The following ZNF827 variants were observed in gnomAD, a reference collection of about 807,000 sequenced individuals.
ZNF827 encodes zinc finger protein 827.
ZNF827 carries 13 observed loss-of-function variants against 102.4 expected under a neutral mutation model. That is an observed-to-expected ratio of 0.13 (90% CI 0.08 to 0.20). The LOEUF is 0.20. Among genes scored for constraint, ZNF827 ranks in the 10% least tolerant of loss-of-function variants. The pLI is 1.00. For missense variants in ZNF827, 1,103 were observed against 1,344.4 expected, an observed-to-expected ratio of 0.82 and a Z score of 2.81; for synonymous variants, 523 against 536.2, an observed-to-expected ratio of 0.98 and a Z score of 0.34.
chr4:145,817,292 C>G (rs1443246240), intron 8 of ZNF827, among the ~76,000 whole-genome samples: 1 of 152,120 alleles, frequency 6.6e-6, no homozygotes, highest in African/African-American at 2.4e-5. Context: ...GACTGATTTT[C>G]TCCTGTGCTA....
At chr4:145,844,675 CTCAAATAAATAA>C (rs1745749835) in intron 7 of ZNF827, among the ~76,000 whole-genome samples, 1 of 122,788 alleles carries the variant, frequency 8.1e-6, no homozygotes, top group Admixed American at 9.5e-5. Flanking sequence ...GTGAGACTGT[CTCAAATAAATAA>C]ATAAATAAAT....
intron 5 of ZNF827, among the ~76,000 whole-genome samples, chr4:145,855,064 T>C (rs9993824): frequency 0.02 from 2,988 of 152,270 alleles, 96 homozygotes; most frequent in African/African-American, 0.067. Flanking sequence ...TGTAATGTTA[T>C]CCTCCCTTCC....
intron 1 of ZNF827, among the ~76,000 whole-genome samples, chr4:145,911,080 A>G (rs1038153875): frequency 2.0e-5 from 3 of 152,194 alleles, no homozygotes; most frequent in African/African-American, 4.8e-5. Context: ...AATAAGAACT[A>G]TTTTCAAAAT....
chr4:145,841,210 A>G (rs1241485915), intron 7 of ZNF827, among the ~76,000 whole-genome samples: 1 of 152,202 alleles, frequency 6.6e-6, no homozygotes, highest in East Asian at 1.9e-4. Flanking sequence ...GTGTTACACA[A>G]CATTGAGCAT....
intron 1 of ZNF827, among the ~76,000 whole-genome samples, chr4:145,905,764 C>G (rs1751810272): frequency 6.6e-6 from 1 of 152,108 alleles, no homozygotes; most frequent in Non-Finnish European, 1.5e-5. Context: ...TAGGAAGTAT[C>G]CTATAAATAG....
At chr4:145,884,735 A>T (rs546083062) in intron 4 of ZNF827, among the ~76,000 whole-genome samples, 2 of 152,374 alleles carry the variant, frequency 1.3e-5, no homozygotes, top group Admixed American at 1.3e-4. Context: ...AATGATAAAA[A>T]AAGAAACATC....
intron 1 of ZNF827, among the ~76,000 whole-genome samples, chr4:145,937,052 GC>G (rs1397814518): frequency 6.6e-6 from 1 of 152,126 alleles, no homozygotes; most frequent in African/African-American, 2.4e-5. Flanking sequence ...GAGCCGGGCG[GC>G]CCCGGGGGAT....
chr4:145,906,724 A>C (rs537265519), intron 1 of ZNF827, among the ~76,000 whole-genome samples: 5 of 152,372 alleles, frequency 3.3e-5, no homozygotes, highest in Admixed American at 2.0e-4. Flanking sequence ...TTGTCAAAAC[A>C]CAAACTCAAA....
At position 145,759,259 on chromosome 4, in the gene ZNF827, A is replaced by G. The variant is rs1014987470; in HGVS notation, c.*2357T>C. 3 of 152,232 alleles carry G rather than the reference A, an allele frequency of 2.0e-5. No individual in the cohort carries two copies. Among genetic ancestry groups the G allele is most frequent in the Non-Finnish European group, 4.4e-5 (3 of 68,038 alleles). The allele number at this position is 152,232 out of a possible 1,614,324, so 9.4% of individuals were successfully genotyped here. ...GTTGTTTTAAAAATACAAGCAATGA[A>G]CATATTCAGCCAAAGATTTTTTTCC... On this transcript the variant is annotated 3_prime_UTR_variant, in exon 15 of 15. Transcript: ENST00000508784.
chr4:145,902,510 C>G lies in ZNF827; in HGVS notation c.749G>C (p.Ser250Thr). 1 of 1,614,134 alleles carries G rather than the reference C, an allele frequency of 6.2e-7. No homozygotes were observed. Among genetic ancestry groups the G allele is most frequent in the Non-Finnish European group, 8.5e-7 (1 of 1,180,036 alleles). ...FSSPFSSQSA[S>T]STLAALSKKV... is the part of the protein sequence containing the mutation. ...CTTGGACAAAGCGGCCAAGGTAGAA[C>G]TGGCAGACTGGGAGCTAAAAGGGGA... The change falls in exon 2 of 15, where the codon AGT becomes ACT. Residue 250 changes from serine to threonine, a missense_variant. Physicochemically the swap from Ser to Thr is moderately conservative, Grantham distance 58 (BLOSUM62 1). Transcript: ENST00000508784. The surrounding 1 kb of genome is among the most constrained non-coding windows in gnomAD (Gnocchi z 4.3).
intron 7 of ZNF827, among the ~76,000 whole-genome samples, chr4:145,842,909 C>A (rs1376445774): frequency 6.6e-6 from 1 of 152,140 alleles, no homozygotes; most frequent in Non-Finnish European, 1.5e-5. Context: ...TCCATTAGTA[C>A]TTAAAAATCT....
chr4:145,910,256 C>G lies in ZNF827; in HGVS notation c.44-7041G>C, dbSNP rs1030263034. Among the ~76,000 whole-genome samples, 4 of 152,290 alleles carry G rather than the reference C, an allele frequency of 2.6e-5. No homozygotes were observed. The South Asian group carries it at 8.3e-4, about 32-fold the overall frequency. ...AAAGGTAACACAAATGAACGCATCA[C>G]TCCTCTGCAGAGTGAGTTCGAAAAA... On this transcript the variant is annotated intron_variant, in intron 1 of 14. Transcript: ENST00000508784.
intron 7 of ZNF827, among the ~76,000 whole-genome samples, chr4:145,834,180 T>C (rs1744572244): frequency 6.6e-6 from 1 of 152,140 alleles, no homozygotes; most frequent in Non-Finnish European, 1.5e-5. Context: ...TTTGAATTTT[T>C]CCATCCTGCA....
chr4:145,835,478 TTA>T (rs1419956202), intron 7 of ZNF827, among the ~76,000 whole-genome samples: 6 of 150,916 alleles, frequency 4.0e-5, no homozygotes, highest in Non-Finnish European at 7.4e-5. Flanking sequence ...TCCTTTTTAG[TTA>T]TCCCCACCTG....
chr4:145,850,393 T>C (rs924265269), intron 5 of ZNF827, among the ~76,000 whole-genome samples: 2 of 152,160 alleles, frequency 1.3e-5, no homozygotes, highest in African/African-American at 4.8e-5. Context: ...TAGGGTCAAT[T>C]CAACGGAGAC....
intron 7 of ZNF827, among the ~76,000 whole-genome samples, chr4:145,844,454 C>A (rs1420964049): frequency 6.6e-6 from 1 of 150,646 alleles, no homozygotes; most frequent in Non-Finnish European, 1.5e-5. Context: ...CCGAGGCAGG[C>A]AGATCGCTTG....
At position 145,763,871 on chromosome 4, in the gene ZNF827, A is replaced by T. The variant is rs1324446823; in HGVS notation, c.3231-749T>A. ...TCTGCCCTCCCCTCCCCCTCCCCCAAGAGTGAAACGAAATGGAGTTCAACG... is the reference window on the plus strand; with the variant it reads ...TCTGCCCTCCCCTCCCCCTCCCCCATGAGTGAAACGAAATGGAGTTCAACG... On this transcript the variant is annotated intron_variant, in intron 13 of 14. Transcript: ENST00000508784. The surrounding 1 kb of genome is among the most constrained non-coding windows in gnomAD (Gnocchi z 4.6). 6.6e-6 allele frequency among the ~76,000 whole-genome samples: 1 copy of T among 151,932 alleles called. No homozygotes were observed. The highest frequency in any genetic ancestry group is 1.5e-5 in the Non-Finnish European group (1 of 67,966).
rs1734858510 is a variant in ZNF827, at chr4:145,763,708, T to C, written c.3231-586A>G. On this transcript the variant is annotated intron_variant, in intron 13 of 14. Transcript: ENST00000508784. The surrounding 1 kb of genome is among the most constrained non-coding windows in gnomAD (Gnocchi z 4.6). ...CAGAAAAACATGGTTCTGGTGTTTCTCTTTTTAAAATGAGAGCACACAAAT... is the reference window on the plus strand; with the variant it reads ...CAGAAAAACATGGTTCTGGTGTTTCCCTTTTTAAAATGAGAGCACACAAAT... Among the ~76,000 whole-genome samples, 1 of 152,212 alleles carries C rather than the reference T, an allele frequency of 6.6e-6. No individual in the cohort carries two copies. Among genetic ancestry groups the C allele is most frequent in the South Asian group, 2.1e-4 (1 of 4,824 alleles).
chr4:145,843,989 T>C (rs1470205175), intron 7 of ZNF827, among the ~76,000 whole-genome samples: 1 of 152,166 alleles, frequency 6.6e-6, no homozygotes. Context: ...AGAATCTCCA[T>C]CTCTAGGGGA....
Sources: gnomAD v4.1 joint callset for allele counts (sites outside exome capture counted in the v4.1 genomes callset) on GRCh38, gnomAD v4.1.1 for gene constraint, Gnocchi (gnomAD v3.1) non-coding constraint, MANE v1.5 for transcripts, NCBI Gene and HGNC (gene_info 2026-07-23, HGNC 2026-07-21) for gene names.